The following ACOT12 variants were observed in gnomAD, a reference collection of about 807,000 sequenced individuals.
ACOT12 encodes acetyl-coenzyme A thioesterase.
ACOT12 carries 51 observed loss-of-function variants against 67.7 expected under a neutral mutation model. The observed-to-expected ratio is 0.75, with a 90% CI of 0.60 to 0.95. ACOT12 has a LOEUF of 0.95. ACOT12 is among the 40% of genes least tolerant of loss of function. The pLI, the probability that ACOT12 is intolerant of heterozygous loss-of-function variation, is 0.00. For synonymous variants in ACOT12, 251 were observed against 244.6 expected (o/e 1.03, Z -0.24); for missense variants, 734 against 708.1 (o/e 1.04, Z -0.41).
chr5:81,359,445 A>G (rs997344368), intron 5 of ACOT12, among the ~76,000 whole-genome samples: 1 of 152,208 alleles, frequency 6.6e-6, no homozygotes, highest in African/African-American at 2.4e-5. Context: ...CAGGATCTTA[A>G]GTCTCTGCTC....
chr5:81,317,472 A>C, the ACOT12 span, among the ~76,000 whole-genome samples: 1 of 150,862 alleles, frequency 6.6e-6, no homozygotes, highest in Non-Finnish European at 1.5e-5. Flanking sequence ...ACTGCACACC[A>C]GCCTGGGCAA....
At chr5:81,351,713 T>TC (rs1228282781) in intron 5 of ACOT12, among the ~76,000 whole-genome samples, 16 of 152,096 alleles carry the variant, frequency 1.1e-4, no homozygotes, top group Non-Finnish European at 2.4e-4. Flanking sequence ...TATTGAGCAG[T>TC]ACCCCACAAG....
chr5:81,359,886 T>C lies in ACOT12; in HGVS notation c.496+17A>G, dbSNP rs1003021297. 3 of 1,595,704 alleles carry C rather than the reference T, an allele frequency of 1.9e-6. No individual in the cohort carries two copies. The highest frequency in any genetic ancestry group is 2.6e-6 in the Non-Finnish European group (3 of 1,173,558). ...CACAGTTATAGAATTAAAATTCTTATAAGTGGATTTACTGACCATCAAATT... is the reference window on the plus strand; with the variant it reads ...CACAGTTATAGAATTAAAATTCTTACAAGTGGATTTACTGACCATCAAATT... On this transcript the variant is annotated intron_variant, in intron 5 of 14. Coordinates refer to ENST00000307624, the MANE Select transcript of ACOT12 (RefSeq NM_130767.3).
At chr5:81,377,022 C>A (rs1760439275) in intron 2 of ACOT12, among the ~76,000 whole-genome samples, 1 of 152,140 alleles carries the variant, frequency 6.6e-6, no homozygotes, top group Non-Finnish European at 1.5e-5. Flanking sequence ...CAAGACCTGG[C>A]AGAGACACAA....
At chr5:81,369,236 C>T (rs745371295) in intron 3 of ACOT12, among the ~76,000 whole-genome samples, 2 of 151,748 alleles carry the variant, frequency 1.3e-5, no homozygotes, top group Admixed American at 6.6e-5. Context: ...ATGCATCACA[C>T]ACCTTCCAGA....
Position 81,344,986 on chromosome 5 carries a change from G to C in ACOT12, c.829C>G (p.Arg277Gly). 2 of 1,614,096 alleles carry C rather than the reference G, an allele frequency of 1.2e-6. No homozygotes were observed. Among genetic ancestry groups the C allele is most frequent in the Non-Finnish European group, 1.7e-6 (2 of 1,180,018 alleles). The change falls in exon 8 of 15, where the codon CGA (arginine) becomes GGA (glycine). Residue 277 changes from arginine to glycine, a missense_variant. Coordinates refer to ENST00000307624, the MANE Select transcript of ACOT12 (RefSeq NM_130767.3). The part of the protein sequence containing the change: ...AFDCQEWAEG[R>G]GRHINSAFLI... ...AAAGCACTGTTGATGTGACGCCCTC[G>C]GCCCTCGGCCCATTCCTGACAGTCA... is the stretch of plus-strand genomic sequence containing the variant.
downstream of ACOT12, among the ~76,000 whole-genome samples, chr5:81,329,768 T>C (rs1343855749): frequency 1.3e-5 from 2 of 152,250 alleles, no homozygotes; most frequent in African/African-American, 2.4e-5. Flanking sequence ...ATTTTACAGG[T>C]ACCTTGTGTG....
chr5:81,322,006 A>G, the ACOT12 span, among the ~76,000 whole-genome samples: 1 of 151,264 alleles, frequency 6.6e-6, no homozygotes, highest in Non-Finnish European at 1.5e-5. Flanking sequence ...AGAAATTCAA[A>G]TTCACAGAGA....
At chr5:81,314,248 G>C in the ACOT12 span, among the ~76,000 whole-genome samples, 1 of 151,794 alleles carries the variant, frequency 6.6e-6, no homozygotes, top group African/African-American at 2.4e-5. Context: ...GGGATTATAG[G>C]CACGCACCAC....
chr5:81,340,647 A>G (rs1759164946), intron 11 of ACOT12, among the ~76,000 whole-genome samples: 1 of 152,226 alleles, frequency 6.6e-6, no homozygotes, highest in Admixed American at 6.5e-5. Flanking sequence ...GGCGTCAGCC[A>G]CTGAGCCTGG....
intron 2 of ACOT12, among the ~76,000 whole-genome samples, chr5:81,383,395 A>C (rs72771198): frequency 6.6e-6 from 1 of 152,192 alleles, no homozygotes; most frequent in South Asian, 2.1e-4. Flanking sequence ...TCAAACCTTC[A>C]TCATGTCAAT....
At chr5:81,310,278 A>G in the ACOT12 span, among the ~76,000 whole-genome samples, 3 of 151,964 alleles carry the variant, frequency 2.0e-5, no homozygotes, top group South Asian at 6.2e-4. Context: ...TTTGTTTACA[A>G]TAAGGGGCTT....
At position 81,385,749 on chromosome 5, in the gene ACOT12, T is replaced by A. The variant is rs1232221242; in HGVS notation, c.197+8A>T. 1 of 1,613,924 alleles carries A rather than the reference T, an allele frequency of 6.2e-7. No individual in the cohort carries two copies. Among genetic ancestry groups the A allele is most frequent in the South Asian group, 1.1e-5 (1 of 91,046 alleles). ...AGGAGAAAGGAGCCATGGAGCAATG[T>A]CACTTACCTAGCTGTCTCCTCAAAC... On this transcript the variant is annotated splice_region_variant and intron_variant, in intron 2 of 14. Transcript: ENST00000307624.
At chr5:81,329,234 A>C (rs1758745498), downstream of ACOT12, among the ~76,000 whole-genome samples, 1 of 152,200 alleles carries the variant, frequency 6.6e-6, no homozygotes, top group South Asian at 2.1e-4. Context: ...TGAGGTCTGA[A>C]ATTTTAGTTT....
chr5:81,342,786 A>G (rs1398545305), intron 10 of ACOT12, 31 bp from the exon 11 acceptor site: 1 of 1,597,198 alleles, frequency 6.3e-7, no homozygotes, highest in Non-Finnish European at 8.6e-7. Context: ...TTTTAAAGCT[A>G]TGTGTTCAAT....
downstream of ACOT12, among the ~76,000 whole-genome samples, chr5:81,326,237 G>A (rs1351527112): frequency 6.9e-6 from 1 of 144,294 alleles, no homozygotes; most frequent in Non-Finnish European, 1.5e-5. Flanking sequence ...GCATTCTCCT[G>A]CCTCAGCCTT....
the ACOT12 span, chr5:81,311,163 C>T: frequency 2.5e-6 from 4 of 1,601,576 alleles, no homozygotes; most frequent in Non-Finnish European, 3.4e-6. Flanking sequence ...ATGTTAAAAA[C>T]CCCTTGCAAG....
intron 2 of ACOT12, among the ~76,000 whole-genome samples, chr5:81,375,099 A>C (rs902203310): frequency 1.3e-5 from 2 of 152,208 alleles, no homozygotes; most frequent in African/African-American, 4.8e-5. Flanking sequence ...GAGAAAGGTC[A>C]GGTTACCCAC....
the ACOT12 span, among the ~76,000 whole-genome samples, chr5:81,318,786 G>A: frequency 6.6e-6 from 1 of 152,286 alleles, no homozygotes; most frequent in African/African-American, 2.4e-5. Context: ...AACAATTGCT[G>A]CTGATTGTTT....
Sources: gnomAD v4.1 joint callset for allele counts (sites outside exome capture counted in the v4.1 genomes callset) on GRCh38, gnomAD v4.1.1 for gene constraint, MANE v1.5 for transcripts, NCBI Gene and HGNC (gene_info 2026-07-23, HGNC 2026-07-21) for gene names.